Variants in OPCML observed in about 807,000 individuals in gnomAD.
OPCML encodes opioid-binding protein/cell adhesion molecule.
OPCML carries 13 observed loss-of-function variants against 37.8 expected under a neutral mutation model. The ratio of observed to expected loss-of-function variants is 0.34; its 90% CI spans 0.22 to 0.55. The LOEUF (loss-of-function observed/expected upper bound fraction) is 0.55. Among genes scored for constraint, OPCML ranks in the 20% least tolerant of loss-of-function variants. The probability of loss-of-function intolerance (pLI) is 0.91; values close to 1 mark genes in which losing one functional copy is unlikely to be tolerated. For synonymous variants in OPCML, 176 were observed against 168.8 expected, an observed-to-expected ratio of 1.04 and a Z score of -0.33; for missense variants, 341 against 435.6, an observed-to-expected ratio of 0.78 and a Z score of 1.93.
In OPCML at chr11:132,571,400, C is replaced by T. The variant is rs111694716; in HGVS notation, c.380-42214G>A. ...ACTCCCTTTCATATACACATATATC[C>T]TATTACTTTTGTCCCTCTGGAGAAC... On this transcript the variant is annotated intron_variant, in intron 3 of 7. Transcript: ENST00000524381. 1.2e-3 allele frequency among the ~76,000 whole-genome samples: 183 copies of T among 152,242 alleles called. 1 individual carries two copies. The highest frequency in any genetic ancestry group is 4.3e-3 in the African/African-American group (178 of 41,550).
chr11:132,576,805 C>T (rs2096452034), intron 3 of OPCML, among the ~76,000 whole-genome samples: 1 of 152,166 alleles, frequency 6.6e-6, no homozygotes, highest in South Asian at 2.1e-4. Context: ...AACTCTTTCC[C>T]TCCCTAGGGA....
intron 2 of OPCML, among the ~76,000 whole-genome samples, chr11:132,869,736 C>T (rs111593364): frequency 3.2e-4 from 49 of 152,286 alleles, no homozygotes; most frequent in African/African-American, 7.9e-4. Flanking sequence ...GCTAATTGTG[C>T]ACATCTCTGG....
At chr11:132,793,895 G>T (rs1385579221) in intron 2 of OPCML, among the ~76,000 whole-genome samples, 2 of 152,130 alleles carry the variant, frequency 1.3e-5, no homozygotes, top group Non-Finnish European at 2.9e-5. Flanking sequence ...CAGCGTCCAG[G>T]TGGCATGGGT....
At chr11:133,247,748 A>G (rs1448990892) in intron 1 of OPCML, among the ~76,000 whole-genome samples, 3 of 151,820 alleles carry the variant, frequency 2.0e-5, no homozygotes, top group Non-Finnish European at 4.4e-5. Flanking sequence ...GACTATCCAC[A>G]TGAGCCACCA....
intron 2 of OPCML, among the ~76,000 whole-genome samples, chr11:132,864,910 G>A (rs1039680296): frequency 2.6e-5 from 4 of 152,200 alleles, no homozygotes; most frequent in East Asian, 1.9e-4. Flanking sequence ...GCTGAGAGCC[G>A]GAAATGCCCT....
At chr11:132,835,977 G>A (rs1281873509) in intron 2 of OPCML, among the ~76,000 whole-genome samples, 1 of 152,080 alleles carries the variant, frequency 6.6e-6, no homozygotes, top group Non-Finnish European at 1.5e-5. Flanking sequence ...TCTATCCTTT[G>A]GTTTGGAAAT....
chr11:133,445,369 A>C (rs1946453274), intron 1 of OPCML, among the ~76,000 whole-genome samples: 1 of 152,212 alleles, frequency 6.6e-6, no homozygotes, highest in African/African-American at 2.4e-5. Flanking sequence ...CATAAGCTTA[A>C]ACTCAGGCAG....
Position 132,653,928 on chromosome 11 carries a change from T to A in OPCML, c.379+3159A>T, listed in dbSNP as rs117816760. Among the ~76,000 whole-genome samples the A allele has an allele frequency of 1.4e-3, 212 of 152,318 alleles. 1 individual carries two copies. The Middle Eastern group carries it at 0.031, about 22-fold the overall frequency. ...TCTCTCATTGCAAAATCAATACCCATCAGCAGTTTGAAATTAAAGGCAAGA... is the reference window on the plus strand; with the variant it reads ...TCTCTCATTGCAAAATCAATACCCAACAGCAGTTTGAAATTAAAGGCAAGA... On this transcript the variant is annotated intron_variant, in intron 3 of 7. Coordinates refer to ENST00000524381, the MANE Select transcript of OPCML (RefSeq NM_001012393.5).
chr11:133,218,431 G>A (rs1020691408), intron 1 of OPCML, among the ~76,000 whole-genome samples: 7 of 152,308 alleles, frequency 4.6e-5, no homozygotes, highest in African/African-American at 1.4e-4. Context: ...TTCGCTAAAG[G>A]AGAAATGCCC....
chr11:132,945,466 C>T (rs1291477370), intron 1 of OPCML, among the ~76,000 whole-genome samples: 1 of 152,178 alleles, frequency 6.6e-6, no homozygotes, highest in Non-Finnish European at 1.5e-5. Context: ...GGACATTTGC[C>T]GCAGACGGAG....
chr11:133,385,700 G>T (rs747479307), intron 1 of OPCML, among the ~76,000 whole-genome samples: 1 of 152,010 alleles, frequency 6.6e-6, no homozygotes, highest in Non-Finnish European at 1.5e-5. Flanking sequence ...GTCTGCGGTG[G>T]TCCCCATGGT....
chr11:132,486,722 A>G (rs931437069), intron 4 of OPCML, among the ~76,000 whole-genome samples: 11 of 148,402 alleles, frequency 7.4e-5, no homozygotes, highest in Non-Finnish European at 1.3e-4. Flanking sequence ...CACATCATCT[A>G]TCAATATCCT....
intron 4 of OPCML, among the ~76,000 whole-genome samples, chr11:132,487,546 C>T (rs753690347): frequency 2.0e-5 from 3 of 152,158 alleles, no homozygotes; most frequent in African/African-American, 7.2e-5. Flanking sequence ...GTTTGCTGCA[C>T]GAACACCTCA....
At chr11:133,363,073 C>T (rs574791234) in intron 1 of OPCML, among the ~76,000 whole-genome samples, 71 of 152,292 alleles carry the variant, frequency 4.7e-4, no homozygotes, top group Admixed American at 3.7e-3. Flanking sequence ...CAATACCCTG[C>T]CCCATGGAAG....
At chr11:132,625,550 G>A (rs779404484) in intron 3 of OPCML, among the ~76,000 whole-genome samples, 2 of 152,140 alleles carry the variant, frequency 1.3e-5, no homozygotes, top group Non-Finnish European at 2.9e-5. Context: ...AGATTAGAGG[G>A]CATCTCTTCA....
intron 1 of OPCML, among the ~76,000 whole-genome samples, chr11:132,974,729 T>C (rs1946418468): frequency 6.6e-6 from 1 of 152,088 alleles, no homozygotes; most frequent in African/African-American, 2.4e-5. Flanking sequence ...ATCCAATGGG[T>C]ATTCTTAAAC....
At chr11:133,286,954 C>T (rs11223431) in intron 1 of OPCML, among the ~76,000 whole-genome samples, 54,886 of 151,982 alleles carry the variant, frequency 0.36, 11,266 homozygotes, top group East Asian at 0.75. Context: ...AGGGCAAGGG[C>T]AAGATCTTGG....
intron 2 of OPCML, among the ~76,000 whole-genome samples, chr11:132,677,126 A>G (rs904505494): frequency 1.3e-5 from 2 of 152,138 alleles, no homozygotes; most frequent in African/African-American, 4.8e-5. Context: ...GGAGACTGAA[A>G]TTAAAAACAC....
chr11:133,201,749 G>A (rs999016776), intron 1 of OPCML, among the ~76,000 whole-genome samples: 1 of 152,192 alleles, frequency 6.6e-6, no homozygotes, highest in Non-Finnish European at 1.5e-5. Flanking sequence ...CTCATGCTGT[G>A]TCTCCAGCTC....
Sources: gnomAD v4.1 joint callset for allele counts (sites outside exome capture counted in the v4.1 genomes callset) on GRCh38, gnomAD v4.1.1 for gene constraint, MANE v1.5 for transcripts, NCBI Gene and HGNC (gene_info 2026-07-23, HGNC 2026-07-21) for gene names.